ENTREP2: variants seen among roughly 807,000 people sequenced by gnomAD.
The protein encoded by ENTREP2 is protein ENTREP2.
the ENTREP2 span, among the ~76,000 whole-genome samples, chr15:29,179,688 C>T: frequency 6.6e-6 from 1 of 151,378 alleles, no homozygotes; most frequent in African/African-American, 2.4e-5. Flanking sequence ...TCACGCCATT[C>T]TCCTGCCTCA....
chr15:29,410,949 C>A, the ENTREP2 span, among the ~76,000 whole-genome samples: 1 of 152,142 alleles, frequency 6.6e-6, no homozygotes, highest in Non-Finnish European at 1.5e-5. Flanking sequence ...CCGCGCCCAG[C>A]TAATTTTTTT....
At chr15:29,134,364 G>A in the ENTREP2 span, among the ~76,000 whole-genome samples, 1 of 152,158 alleles carries the variant, frequency 6.6e-6, no homozygotes, top group Non-Finnish European at 1.5e-5. Context: ...ACAGTAAAAA[G>A]GGGGTCCTGG....
the ENTREP2 span, chr15:29,452,587 G>A: frequency 8.3e-6 from 1 of 120,132 alleles, no homozygotes; most frequent in Non-Finnish European, 1.9e-5. Context: ...TGAGTCCTAA[G>A]TGCAGATTCT....
At chr15:29,276,615 A>G in the ENTREP2 span, among the ~76,000 whole-genome samples, 5 of 152,162 alleles carry the variant, frequency 3.3e-5, no homozygotes, top group African/African-American at 1.2e-4. Flanking sequence ...CTTCTGAAAA[A>G]CCTGCCTCAG....
At chr15:29,341,971 G>T in the ENTREP2 span, among the ~76,000 whole-genome samples, 1 of 152,292 alleles carries the variant, frequency 6.6e-6, no homozygotes, top group East Asian at 1.9e-4. Flanking sequence ...TTTATTGACA[G>T]AATCCTATTT....
chr15:29,444,214 GAA>G, the ENTREP2 span, among the ~76,000 whole-genome samples: 11 of 146,114 alleles, frequency 7.5e-5, 1 homozygote, highest in African/African-American at 3.0e-4. Context: ...AAGAAAGAAA[GAA>G]AGAAAGAAAG....
the ENTREP2 span, among the ~76,000 whole-genome samples, chr15:29,572,707 T>G: frequency 3.3e-5 from 5 of 152,120 alleles, no homozygotes; most frequent in African/African-American, 1.2e-4. Context: ...ACCCACTATG[T>G]GCCAGGCACT....
At chr15:29,177,215 T>C in the ENTREP2 span, among the ~76,000 whole-genome samples, 2 of 151,992 alleles carry the variant, frequency 1.3e-5, no homozygotes, top group Admixed American at 1.3e-4. Flanking sequence ...ATCCGAGGGG[T>C]CCCGCTCTCG....
At chr15:29,453,755 C>T in the ENTREP2 span, among the ~76,000 whole-genome samples, 1 of 152,134 alleles carries the variant, frequency 6.6e-6, no homozygotes, top group East Asian at 1.9e-4. Context: ...AATTGGAATC[C>T]TACTGTATAG....
chr15:29,505,599 G>A, the ENTREP2 span, among the ~76,000 whole-genome samples: 13 of 152,210 alleles, frequency 8.5e-5, no homozygotes, highest in Admixed American at 6.5e-4. The surrounding 1 kb of genome is among the most constrained non-coding windows in gnomAD (Gnocchi z 4.3). Flanking sequence ...CTCCGCTGGT[G>A]ATACCCAGGC....
chr15:29,129,623 T>C, the ENTREP2 span, among the ~76,000 whole-genome samples: 5 of 152,338 alleles, frequency 3.3e-5, no homozygotes, highest in African/African-American at 9.6e-5. Context: ...GCTGGGATTA[T>C]AGGCATGAGC....
chr15:29,479,132 G>A, the ENTREP2 span, among the ~76,000 whole-genome samples: 8 of 148,996 alleles, frequency 5.4e-5, no homozygotes, highest in African/African-American at 2.0e-4. Context: ...GCGTGAACCC[G>A]GGAGGTGGAG....
the ENTREP2 span, among the ~76,000 whole-genome samples, chr15:29,207,207 G>A: frequency 6.6e-6 from 1 of 152,112 alleles, no homozygotes; most frequent in Non-Finnish European, 1.5e-5. Flanking sequence ...CATTATTGGG[G>A]TGTTTCCCCT....
chr15:29,204,895 C>T, the ENTREP2 span, among the ~76,000 whole-genome samples: 17 of 152,138 alleles, frequency 1.1e-4, no homozygotes, highest in Non-Finnish European at 2.2e-4. Context: ...ATATTCACCT[C>T]GTTGTGCTAC....
At chr15:29,367,853 T>C in the ENTREP2 span, among the ~76,000 whole-genome samples, 3 of 152,006 alleles carry the variant, frequency 2.0e-5, no homozygotes, top group Non-Finnish European at 4.4e-5. Flanking sequence ...ACAGAATTCA[T>C]TCAGAAAAGT....
At chr15:29,461,753 A>G in the ENTREP2 span, among the ~76,000 whole-genome samples, 1 of 152,088 alleles carries the variant, frequency 6.6e-6, no homozygotes, top group Non-Finnish European at 1.5e-5. Context: ...GATTACAGGC[A>G]TGAGCCACCG....
the ENTREP2 span, chr15:29,570,382 C>G: frequency 3.9e-6 from 2 of 514,272 alleles, no homozygotes; most frequent in Non-Finnish European, 5.9e-6. Flanking sequence ...GCTGCAGCTA[C>G]TCGGCCCCGG....
chr15:29,405,304 G>A, the ENTREP2 span, among the ~76,000 whole-genome samples: 11 of 151,546 alleles, frequency 7.3e-5, no homozygotes, highest in African/African-American at 9.7e-5. Flanking sequence ...CAGGTGAATC[G>A]TTTGAACCTG....
chr15:29,656,600 C>T, the ENTREP2 span, among the ~76,000 whole-genome samples: 8 of 152,096 alleles, frequency 5.3e-5, no homozygotes, highest in African/African-American at 1.9e-4. Context: ...GAAAGATGCT[C>T]AACATAATTT....
Sources: gnomAD v4.1 joint callset for allele counts (sites outside exome capture counted in the v4.1 genomes callset) on GRCh38, gnomAD v4.1.1 for gene constraint, Gnocchi (gnomAD v3.1) non-coding constraint, MANE v1.5 for transcripts, NCBI Gene and HGNC (gene_info 2026-07-23, HGNC 2026-07-21) for gene names.